PTPRM: variants seen among roughly 807,000 people sequenced by gnomAD.
The protein encoded by PTPRM is receptor-type tyrosine-protein phosphatase mu.
PTPRM carries 47 observed loss-of-function variants against 186.7 expected under a neutral mutation model. The ratio of observed to expected loss-of-function variants is 0.25; its 90% CI spans 0.20 to 0.32. The LOEUF (loss-of-function observed/expected upper bound fraction) is 0.32. Ranked by LOEUF, PTPRM falls within the 10% of genes least tolerant of loss-of-function variation. The pLI is 1.00. For missense variants in PTPRM, 1,494 were observed against 1,865.0 expected (o/e 0.80, Z 3.66); for synonymous variants, 668 against 674.9 (o/e 0.99, Z 0.16).
chr18:8,345,243 A>G (rs115914677), intron 23 of PTPRM, among the ~76,000 whole-genome samples: 192 of 152,022 alleles, frequency 1.3e-3, no homozygotes, highest in African/African-American at 4.2e-3. Flanking sequence ...AAAGAAAAAA[A>G]AAAGGAAATA....
chr18:7,816,137 C>G (rs2044813099), intron 2 of PTPRM, among the ~76,000 whole-genome samples: 1 of 152,108 alleles, frequency 6.6e-6, no homozygotes, highest in African/African-American at 2.4e-5. Context: ...CTTGGCAGTT[C>G]CTTTACTCCA....
At chr18:7,658,319 TTAAAG>T (rs1455364656) in intron 1 of PTPRM, among the ~76,000 whole-genome samples, 3 of 133,016 alleles carry the variant, frequency 2.3e-5, no homozygotes, top group Non-Finnish European at 3.1e-5. Context: ...CTTCCTAAAA[TTAAAG>T]TAAATTTATA....
chr18:7,683,162 C>CTTT (rs2039517774), intron 1 of PTPRM, among the ~76,000 whole-genome samples: 2 of 132,478 alleles, frequency 1.5e-5, no homozygotes, highest in Non-Finnish European at 3.1e-5. Flanking sequence ...ATTGGCTTGC[C>CTTT]ATTTTTTTTT....
chr18:8,382,841 G>A (rs2095745533), intron 29 of PTPRM, among the ~76,000 whole-genome samples: 1 of 152,166 alleles, frequency 6.6e-6, no homozygotes, highest in African/African-American at 2.4e-5. Context: ...AAGTCATCTA[G>A]AAATTCAGCC....
At chr18:7,681,576 T>C (rs951998033) in intron 1 of PTPRM, among the ~76,000 whole-genome samples, 5 of 151,678 alleles carry the variant, frequency 3.3e-5, no homozygotes, top group Non-Finnish European at 7.4e-5. Context: ...AAAGAGGTGT[T>C]AGATTCCTTA....
At chr18:7,922,837 A>G (rs1353631903) in intron 4 of PTPRM, among the ~76,000 whole-genome samples, 1 of 152,184 alleles carries the variant, frequency 6.6e-6, no homozygotes, top group East Asian at 1.9e-4. Flanking sequence ...TTATCTTAGC[A>G]TTATATGTAG....
chr18:7,746,518 T>C (rs889229974), intron 1 of PTPRM, among the ~76,000 whole-genome samples: 1 of 151,670 alleles, frequency 6.6e-6, no homozygotes, highest in Non-Finnish European at 1.5e-5. Context: ...CAAGCCGGAG[T>C]GTAGTGGTGC....
At chr18:7,939,413 A>G (rs2052027053) in intron 5 of PTPRM, among the ~76,000 whole-genome samples, 1 of 152,214 alleles carries the variant, frequency 6.6e-6, no homozygotes, top group Admixed American at 6.5e-5. Context: ...TATTTCTGAA[A>G]GACTTAATAT....
chr18:7,710,675 T>A (rs2040192794), intron 1 of PTPRM, among the ~76,000 whole-genome samples: 3 of 152,190 alleles, frequency 2.0e-5, no homozygotes, highest in Non-Finnish European at 4.4e-5. Flanking sequence ...ACTCCTTGAT[T>A]TGATAAACAA....
intron 1 of PTPRM, among the ~76,000 whole-genome samples, chr18:7,590,365 C>T (rs1376266385): frequency 6.6e-6 from 1 of 152,108 alleles, no homozygotes; most frequent in African/African-American, 2.4e-5. Flanking sequence ...TGGCTGTTCC[C>T]AGGGTGATGG....
At chr18:8,063,824 C>G (rs1568277772) in intron 7 of PTPRM, among the ~76,000 whole-genome samples, 1 of 152,168 alleles carries the variant, frequency 6.6e-6, no homozygotes, top group African/African-American at 2.4e-5. Flanking sequence ...GAATGACTAG[C>G]CCAGGGTCCA....
At chr18:8,097,725 G>A (rs1457551635) in intron 11 of PTPRM, among the ~76,000 whole-genome samples, 1 of 152,104 alleles carries the variant, frequency 6.6e-6, no homozygotes, top group Non-Finnish European at 1.5e-5. Context: ...CTGAGGAGGA[G>A]GTAGGTAGAT....
intron 14 of PTPRM, among the ~76,000 whole-genome samples, chr18:8,184,507 G>A (rs2093617721): frequency 6.6e-6 from 1 of 152,172 alleles, no homozygotes; most frequent in Non-Finnish European, 1.5e-5. Context: ...CTGTTGGGTG[G>A]AGAAGAGAAG....
At chr18:8,143,380 A>T (rs955949800) in intron 13 of PTPRM, among the ~76,000 whole-genome samples, 3 of 152,216 alleles carry the variant, frequency 2.0e-5, no homozygotes, top group Admixed American at 6.5e-5. Context: ...TCTAAAAAAA[A>T]AATGTTTGAG....
chr18:8,255,254 G>A (rs1441108780), intron 19 of PTPRM, among the ~76,000 whole-genome samples: 1 of 152,192 alleles, frequency 6.6e-6, no homozygotes, highest in East Asian at 1.9e-4. Context: ...TTACTGAAAT[G>A]TTTATTAAAG....
intron 13 of PTPRM, among the ~76,000 whole-genome samples, chr18:8,118,809 A>ATAT (rs1282754601): frequency 3.0e-4 from 40 of 134,834 alleles, no homozygotes; most frequent in African/African-American, 5.1e-4. Flanking sequence ...CAAAAAAAAA[A>ATAT]AAATATATAT....
chr18:7,576,629 C>T (rs1459209059), intron 1 of PTPRM, among the ~76,000 whole-genome samples: 1 of 152,122 alleles, frequency 6.6e-6, no homozygotes. Context: ...GCACAAGCCA[C>T]CATGCACGGC....
chr18:8,278,983 C>T (rs560315930), intron 19 of PTPRM, among the ~76,000 whole-genome samples: 1 of 152,094 alleles, frequency 6.6e-6, no homozygotes, highest in East Asian at 1.9e-4. Flanking sequence ...ATGTAAATGA[C>T]GGGTTAATGG....
chr18:8,057,344 A>T (rs1202957753), intron 7 of PTPRM, among the ~76,000 whole-genome samples: 1 of 151,886 alleles, frequency 6.6e-6, no homozygotes, highest in African/African-American at 2.4e-5. Flanking sequence ...TTAAAACTTC[A>T]AAAACCCTAA....
Sources: allele counts gnomAD v4.1 joint callset (sites outside exome capture counted in the v4.1 genomes callset), GRCh38; gene constraint gnomAD v4.1.1; transcripts MANE v1.5; gene names NCBI Gene and HGNC (gene_info 2026-07-23, HGNC 2026-07-21).